The following RGS5 variants were observed in gnomAD, a reference collection of about 807,000 sequenced individuals.
The protein encoded by RGS5 is regulator of G-protein signalling 5.
RGS5 carries 20 observed loss-of-function variants against 18.9 expected under a neutral mutation model. The observed-to-expected ratio is 1.06, with a 90% CI of 0.74 to 1.54. The LOEUF is 1.54. RGS5 is among the 40% of genes most tolerant of loss of function. RGS5 has a pLI of 0.00. For missense variants in RGS5, 201 were observed against 211.8 expected, an observed-to-expected ratio of 0.95 and a Z score of 0.32; for synonymous variants, 57 against 76.2, an observed-to-expected ratio of 0.75 and a Z score of 1.31.
intron 1 of RGS5, among the ~76,000 whole-genome samples, chr1:163,310,941 A>C (rs551054872): frequency 6.6e-6 from 1 of 152,304 alleles, no homozygotes; most frequent in East Asian, 1.9e-4. Flanking sequence ...GCAAAGGGGG[A>C]AGAGCCCCTT....
At chr1:163,227,035 A>G (rs967207790) in intron 2 of RGS5, among the ~76,000 whole-genome samples, 6 of 152,256 alleles carry the variant, frequency 3.9e-5, no homozygotes, top group African/African-American at 1.4e-4. Flanking sequence ...CCAAGATATC[A>G]CCATCTTTCA....
chr1:163,215,981 T>TAG (rs1291047480), intron 1 of RGS5, among the ~76,000 whole-genome samples: 2 of 152,084 alleles, frequency 1.3e-5, no homozygotes, highest in Non-Finnish European at 2.9e-5. Flanking sequence ...TAAACCTTTT[T>TAG]AGAGAAAAAG....
At chr1:163,309,507 T>C (rs919353292) in intron 1 of RGS5, among the ~76,000 whole-genome samples, 2 of 152,214 alleles carry the variant, frequency 1.3e-5, no homozygotes, top group African/African-American at 4.8e-5. Flanking sequence ...CCTTTTTTTT[T>C]TTCTTATCCA....
At chr1:163,161,852 G>A (rs939679336) in intron 3 of RGS5, 63 bp downstream of exon 3, 22 of 1,248,838 alleles carry the variant, frequency 1.8e-5, no homozygotes, top group Non-Finnish European at 5.9e-6. Flanking sequence ...GTAATACAAA[G>A]ATGTTTTTTG....
rs188606554 is a variant in RGS5 at position 163,243,252 on chromosome 1, G to A, written c.-281+62981C>T. Among the ~76,000 whole-genome samples, 1,511 of 152,192 alleles carry A rather than the reference G, an allele frequency of 9.9e-3. 18 individuals carry two copies. Among genetic ancestry groups the A allele is most frequent in the South Asian group, 0.026 (125 of 4,826 alleles). Reference sequence around the variant, plus strand: ...TGGGAGATGAACAGTGAGAACACACGGACACAGGGAGGGGAACATCACACA... The same window carrying A: ...TGGGAGATGAACAGTGAGAACACACAGACACAGGGAGGGGAACATCACACA... On this transcript the variant is annotated intron_variant, in intron 2 of 5. Coordinates refer to the RGS5 transcript ENST00000618415.
chr1:163,212,876 C>T (rs1397070758), intron 1 of RGS5: 3 of 152,112 alleles, frequency 2.0e-5, no homozygotes, highest in Non-Finnish European at 4.4e-5. Context: ...TATTTTGTTC[C>T]AATTCCTTTT....
At chr1:163,271,110 T>C (rs1648706084) in intron 2 of RGS5, among the ~76,000 whole-genome samples, 1 of 152,184 alleles carries the variant, frequency 6.6e-6, no homozygotes, top group South Asian at 2.1e-4. Flanking sequence ...CAGTGCACCA[T>C]ACCCTCTGTC....
At chr1:163,181,906 C>A (rs1233228635) in intron 1 of RGS5, among the ~76,000 whole-genome samples, 1 of 152,188 alleles carries the variant, frequency 6.6e-6, no homozygotes, top group African/African-American at 2.4e-5. Context: ...AATTCCAACC[C>A]TTAATTTAAA....
intron 1 of RGS5, chr1:163,321,551 A>C (rs950824094): frequency 5.3e-5 from 8 of 152,334 alleles, no homozygotes; most frequent in Admixed American, 3.9e-4. Context: ...GATGCTTATA[A>C]GCATCTAACA....
At chr1:163,284,548 TTC>T (rs1360634961) in intron 2 of RGS5, among the ~76,000 whole-genome samples, 3 of 152,168 alleles carry the variant, frequency 2.0e-5, no homozygotes, top group Non-Finnish European at 4.4e-5. Context: ...AAGTCTTGGT[TTC>T]TTTCTCTCAG....
At chr1:163,293,522 A>T (rs1450939251) in intron 2 of RGS5, among the ~76,000 whole-genome samples, 1 of 152,178 alleles carries the variant, frequency 6.6e-6, no homozygotes, top group Non-Finnish European at 1.5e-5. Flanking sequence ...AGGGGTTAAA[A>T]TTTGAATTAC....
rs550949460 is a variant in RGS5, at chr1:163,186,864, GA to G, written c.44+15927del. ...TAAGCTGGTCATATTAGAGAAAGGG[GA>G]AAAAAATCACACCCCGTATGTGGAG... On this transcript the variant is annotated intron_variant, in intron 1 of 4. Coordinates refer to ENST00000313961, the MANE Select transcript of RGS5 (RefSeq NM_003617.4). Among the ~76,000 whole-genome samples, 675 of 152,086 alleles carry G rather than the reference GA, an allele frequency of 4.4e-3. 2 individuals carry two copies. Among genetic ancestry groups the G allele is most frequent in the Non-Finnish European group, 7.6e-3 (518 of 67,986 alleles).
At chr1:163,221,554 G>A (rs1439640803), upstream of RGS5, among the ~76,000 whole-genome samples, 1 of 152,150 alleles carries the variant, frequency 6.6e-6, no homozygotes, top group African/African-American at 2.4e-5. Context: ...TATGGCAGAA[G>A]GCAGTCAAAT....
At chr1:163,155,469 A>C (rs1031507602) in intron 3 of RGS5, among the ~76,000 whole-genome samples, 1 of 152,150 alleles carries the variant, frequency 6.6e-6, no homozygotes. Flanking sequence ...ATTCGTCTGC[A>C]AGATGTGTAA....
chr1:163,219,453 T>TA (rs1660289558), upstream of RGS5, among the ~76,000 whole-genome samples: 1 of 152,154 alleles, frequency 6.6e-6, no homozygotes, highest in Non-Finnish European at 1.5e-5. Flanking sequence ...GCAGAGATTA[T>TA]AAAAAATGTG....
At chr1:163,210,207 C>T (rs1237346936) in intron 1 of RGS5, among the ~76,000 whole-genome samples, 1 of 152,136 alleles carries the variant, frequency 6.6e-6, no homozygotes, top group South Asian at 2.1e-4. Context: ...CCATGTTGCC[C>T]ATGCTGGTCT....
chr1:163,179,589 G>T (rs981844107), intron 1 of RGS5, among the ~76,000 whole-genome samples: 1 of 152,144 alleles, frequency 6.6e-6, no homozygotes, highest in African/African-American at 2.4e-5. Context: ...GAAAAGATTT[G>T]CCCTTGACTA....
At chr1:163,263,273 T>C (rs1648499155) in intron 2 of RGS5, among the ~76,000 whole-genome samples, 1 of 152,214 alleles carries the variant, frequency 6.6e-6, no homozygotes, top group South Asian at 2.1e-4. Flanking sequence ...GAGGACCCTT[T>C]CCTGAGTCTT....
At chr1:163,275,027 G>A (rs1648817485) in intron 2 of RGS5, among the ~76,000 whole-genome samples, 1 of 152,314 alleles carries the variant, frequency 6.6e-6, no homozygotes, top group South Asian at 2.1e-4. Flanking sequence ...GAGTTGGGAA[G>A]ATCCCTTGAG....
Sources: gnomAD v4.1 joint callset for allele counts (sites outside exome capture counted in the v4.1 genomes callset) on GRCh38, gnomAD v4.1.1 for gene constraint, MANE v1.5 for transcripts, NCBI Gene and HGNC (gene_info 2026-07-23, HGNC 2026-07-21) for gene names.